PTPRD: variants seen among roughly 807,000 people sequenced by gnomAD.
The protein encoded by PTPRD is receptor-type tyrosine-protein phosphatase delta.
A neutral mutation model predicts 214.5 loss-of-function variants in PTPRD; 34 were observed. The observed-to-expected ratio is 0.16, with a 90% confidence interval of 0.12 to 0.21. The LOEUF is 0.21. Among genes scored for constraint, PTPRD ranks in the 10% least tolerant of loss-of-function variants. PTPRD has a pLI of 1.00. For synonymous variants in PTPRD, 1,128 were observed against 845.7 expected, an observed-to-expected ratio of 1.33 and a Z score of -5.79; for missense variants, 2,545 against 2,398.7, an observed-to-expected ratio of 1.06 and a Z score of -1.27.
chr9:9,661,835 A>G (rs574763263), intron 7 of PTPRD, among the ~76,000 whole-genome samples: 2 of 151,834 alleles, frequency 1.3e-5, no homozygotes, highest in South Asian at 4.1e-4. Context: ...GACCTTGTGT[A>G]AATAAGGAGA....
At chr9:9,103,019 C>A (rs954157388) in intron 10 of PTPRD, among the ~76,000 whole-genome samples, 8 of 151,968 alleles carry the variant, frequency 5.3e-5, no homozygotes, top group African/African-American at 1.9e-4. Context: ...ATTGTCCTGG[C>A]TCTTATTTGT....
intron 10 of PTPRD, among the ~76,000 whole-genome samples, chr9:9,127,607 A>C (rs917735244): frequency 6.6e-6 from 1 of 152,184 alleles, no homozygotes; most frequent in African/African-American, 2.4e-5. Context: ...TCTGTTTTTA[A>C]CATGATAAAG....
rs1416098386 is a variant in PTPRD at position 9,172,754 on chromosome 9, T to A, written c.-143+10550A>T. ...CATCCAGGTAGCTCTAAGCAATGCC[T>A]ATCTAGAATTTAACCATTTCTCTGA... On this transcript the variant is annotated intron_variant, in intron 10 of 45. Transcript: ENST00000381196. 2.6e-5 allele frequency among the ~76,000 whole-genome samples: 4 copies of A among 152,236 alleles called. No homozygotes were observed. The East Asian group carries it at 7.8e-4, about 30-fold the overall frequency.
At chr9:10,351,161 G>T (rs1013367401) in intron 2 of PTPRD, among the ~76,000 whole-genome samples, 1 of 152,082 alleles carries the variant, frequency 6.6e-6, no homozygotes, top group African/African-American at 2.4e-5. Context: ...AAAGAGAGTT[G>T]TGACAAATGT....
At chr9:9,931,307 T>C (rs527970863) in intron 5 of PTPRD, among the ~76,000 whole-genome samples, 1 of 152,192 alleles carries the variant, frequency 6.6e-6, no homozygotes, top group African/African-American at 2.4e-5. Flanking sequence ...CATTTCCATC[T>C]GAGGTACAGG....
chr9:8,357,306 C>G (rs1014758261), intron 39 of PTPRD, among the ~76,000 whole-genome samples: 1 of 152,204 alleles, frequency 6.6e-6, no homozygotes, highest in Non-Finnish European at 1.5e-5. Flanking sequence ...GCTATTCCCT[C>G]TGTTTGAAGA....
chr9:8,563,354 T>C (rs12004302), intron 14 of PTPRD, among the ~76,000 whole-genome samples: 28,225 of 151,976 alleles, frequency 0.19, 3,271 homozygotes, highest in African/African-American at 0.33. Context: ...CACATATCAA[T>C]TGTATCTCAA....
chr9:10,478,804 TG>T (rs1316709411), intron 2 of PTPRD, among the ~76,000 whole-genome samples: 1 of 151,706 alleles, frequency 6.6e-6, no homozygotes, highest in Non-Finnish European at 1.5e-5. Flanking sequence ...CTATTGCCTA[TG>T]GATCTGAATG....
chr9:9,811,163 C>A (rs967110387), intron 5 of PTPRD, among the ~76,000 whole-genome samples: 1 of 151,980 alleles, frequency 6.6e-6, no homozygotes, highest in Non-Finnish European at 1.5e-5. Flanking sequence ...GAGATTGTGA[C>A]ATAGTACCTC....
Position 10,404,376 on chromosome 9 carries a change from T to C in PTPRD, c.-599-63359A>G, listed in dbSNP as rs541036480. The stretch of plus-strand genomic sequence containing the variant: ...GAAAGTTCAAAACTTTCATACTTTG[T>C]TCCAGAACAGTTAAGAACCCCTGCA... On this transcript the variant is annotated intron_variant, in intron 2 of 45. Coordinates refer to ENST00000381196, the MANE Select transcript of PTPRD (RefSeq NM_002839.4). 2.6e-5 allele frequency among the ~76,000 whole-genome samples: 4 copies of C among 151,872 alleles called. No homozygotes were observed. The Admixed American group carries it at 2.6e-4, about 10-fold the overall frequency.
chr9:9,164,850 T>TAAAACAAAAC (rs80164907), intron 10 of PTPRD, among the ~76,000 whole-genome samples: 8,253 of 146,934 alleles, frequency 0.056, 383 homozygotes, highest in East Asian at 0.21. Context: ...CTGTCTCTAC[T>TAAAACAAAAC]AAAACAAAAC....
At chr9:10,075,977 G>A (rs1214948979) in intron 3 of PTPRD, among the ~76,000 whole-genome samples, 1 of 152,084 alleles carries the variant, frequency 6.6e-6, no homozygotes, top group Non-Finnish European at 1.5e-5. Context: ...ATTCTACTCA[G>A]AGTACGCCCT....
intron 8 of PTPRD, among the ~76,000 whole-genome samples, chr9:9,558,999 C>A (rs2082209770): frequency 6.6e-6 from 1 of 152,146 alleles, no homozygotes; most frequent in Non-Finnish European, 1.5e-5. Context: ...GTAGGCGCCC[C>A]ACATCACTAA....
At chr9:9,310,070 T>C (rs530322887) in intron 9 of PTPRD, among the ~76,000 whole-genome samples, 1 of 152,170 alleles carries the variant, frequency 6.6e-6, no homozygotes, top group Non-Finnish European at 1.5e-5. Context: ...AAAATATTAT[T>C]CTGAAAAGAA....
At chr9:9,801,861 A>T (rs1002098812) in intron 5 of PTPRD, among the ~76,000 whole-genome samples, 1 of 152,066 alleles carries the variant, frequency 6.6e-6, no homozygotes, top group Non-Finnish European at 1.5e-5. Flanking sequence ...TTCCATCAGG[A>T]TACATGTTGG....
chr9:8,848,399 G>A (rs1269004654), intron 11 of PTPRD, among the ~76,000 whole-genome samples: 5 of 146,156 alleles, frequency 3.4e-5, no homozygotes, highest in Admixed American at 2.1e-4. Flanking sequence ...GCAGTGGCAC[G>A]ATCCCAGCTC....
chr9:10,278,855 A>G (rs1180760604), intron 3 of PTPRD, among the ~76,000 whole-genome samples: 1 of 151,970 alleles, frequency 6.6e-6, no homozygotes, highest in Non-Finnish European at 1.5e-5. Flanking sequence ...GCTCACTGCA[A>G]GCTCCGTCTC....
chr9:9,888,810 G>A (rs1390961735), intron 5 of PTPRD, among the ~76,000 whole-genome samples: 1 of 152,018 alleles, frequency 6.6e-6, no homozygotes, highest in Admixed American at 6.6e-5. Flanking sequence ...AGACAGATAG[G>A]GAAGACAAAG....
chr9:8,887,305 C>T (rs1311700064), intron 11 of PTPRD, among the ~76,000 whole-genome samples: 9 of 152,124 alleles, frequency 5.9e-5, no homozygotes, highest in Non-Finnish European at 1.0e-4. Flanking sequence ...CACAGACATG[C>T]ACAGATCATT....
Sources: gnomAD v4.1 joint callset for allele counts (sites outside exome capture counted in the v4.1 genomes callset) on GRCh38, gnomAD v4.1.1 for gene constraint, MANE v1.5 for transcripts, NCBI Gene and HGNC (gene_info 2026-07-23, HGNC 2026-07-21) for gene names.